The following CARM1 variants were observed in gnomAD, a reference collection of about 807,000 sequenced individuals.
CARM1 encodes the protein coactivator associated arginine methyltransferase 1.
In CARM1, 14 loss-of-function variants were observed where a neutral mutation model predicts 72.7. The ratio of observed to expected loss-of-function variants is 0.19; its 90% CI spans 0.13 to 0.30. The LOEUF is 0.30. CARM1 is among the 10% of genes least tolerant of loss of function. The pLI is 1.00. For synonymous variants in CARM1, 333 were observed against 345.5 expected, an observed-to-expected ratio of 0.96 and a Z score of 0.40; for missense variants, 432 against 833.7, an observed-to-expected ratio of 0.52 and a Z score of 5.93.
At chr19:10,919,749 C>T (rs1057109942) in intron 9 of CARM1, 69 bp downstream of exon 9, 15 of 1,526,058 alleles carry the variant, frequency 9.8e-6, no homozygotes, top group African/African-American at 5.5e-5. Context: ...CCCTGGCTCC[C>T]GCCGGCATCC....
Position 10,896,529 on chromosome 19 carries a change from C to G in CARM1, c.221-8422C>G, listed in dbSNP as rs1280289489. Among the ~76,000 whole-genome samples, 2 of 152,114 alleles carry G rather than the reference C, an allele frequency of 1.3e-5. No individual in the cohort carries two copies. Among genetic ancestry groups the G allele is most frequent in the African/African-American group, 4.8e-5 (2 of 41,416 alleles). On this transcript the variant is annotated intron_variant, in intron 1 of 15. Coordinates refer to ENST00000327064, the MANE Select transcript of CARM1 (RefSeq NM_199141.2). The surrounding 1 kb of genome is among the most constrained non-coding windows in gnomAD (Gnocchi z 5.2). ...GGTCTCTCCCCACCCTGCGCAAGAT[C>G]CCTCCCAGTGCTGCCCAGAGCCAAG...
rs2074159436 is a variant in CARM1, at chr19:10,912,494, G to A, written c.669+200G>A. Among the ~76,000 whole-genome samples the A allele has an allele frequency of 6.6e-6, 1 of 152,022 alleles. No homozygotes were observed. The highest frequency in any genetic ancestry group is 2.4e-5 in the African/African-American group (1 of 41,404). ...ATTTTCTCTCATGGCCGGTAGTCAG[G>A]GCCACATGTCATTTCCCTGTTTTCT... On this transcript the variant is annotated intron_variant, in intron 5 of 15. Transcript: ENST00000327064. This position sits in a 1 kb window ranked among gnomAD's most constrained non-coding sequence, Gnocchi z 4.5.
At chr19:10,893,773 C>T (rs1000349609) in intron 1 of CARM1, among the ~76,000 whole-genome samples, 4 of 152,154 alleles carry the variant, frequency 2.6e-5, no homozygotes, top group East Asian at 3.9e-4. Context: ...GCCCTGGGGC[C>T]GGGCTGTCAG....
At chr19:10,892,438 C>A (rs980662943) in intron 1 of CARM1, among the ~76,000 whole-genome samples, 1 of 152,206 alleles carries the variant, frequency 6.6e-6, no homozygotes, top group Non-Finnish European at 1.5e-5. Context: ...CCAGGGTGAC[C>A]TCATGGTCCT....
chr19:10,874,323 C>T (rs931112425), intron 1 of CARM1, among the ~76,000 whole-genome samples: 1 of 151,864 alleles, frequency 6.6e-6, no homozygotes, highest in African/African-American at 2.4e-5. Flanking sequence ...GATGATATAT[C>T]CTTAGGGTTC....
At chr19:10,877,641 C>G (rs574307656) in intron 1 of CARM1, among the ~76,000 whole-genome samples, 2 of 152,096 alleles carry the variant, frequency 1.3e-5, no homozygotes, top group African/African-American at 4.8e-5. Context: ...AGGCTGGCCT[C>G]GAACTCCTGA....
chr19:10,913,924 G>A lies in CARM1; in HGVS notation c.717G>A (p.Pro239=), dbSNP rs145939638. The A allele has an allele frequency of 4.8e-5, 77 of 1,613,672 alleles. 1 individual carries two copies. The highest frequency in any genetic ancestry group is 2.1e-4 in the South Asian group (19 of 91,086). ...TGACGGACCGCATCGTGGTCATCCCGGGCAAGGTGGAGGAGGTGTCACTCC... is the reference window on the plus strand; with the variant it reads ...TGACGGACCGCATCGTGGTCATCCCAGGCAAGGTGGAGGAGGTGTCACTCC... ...NNLTDRIVVI[P]GKVEEVSLPE... is the part of the protein sequence containing the mutation. The change falls in exon 6 of 16, where the codon CCG becomes CCA. Residue 239 remains proline, a synonymous_variant. Coordinates refer to ENST00000327064, the MANE Select transcript of CARM1 (RefSeq NM_199141.2).
chr19:10,913,837 G>A (rs375170128), intron 5 of CARM1, 40 bp from the exon 6 acceptor site: 635 of 1,589,022 alleles, frequency 4.0e-4, no homozygotes, highest in Non-Finnish European at 5.2e-4. Context: ...CCCATGGCAG[G>A]AAGACGCAGG....
intron 1 of CARM1, among the ~76,000 whole-genome samples, chr19:10,899,723 CTTT>C (rs1354982354): frequency 4.2e-5 from 6 of 141,938 alleles, no homozygotes; most frequent in Non-Finnish European, 6.2e-5. Flanking sequence ...TTTTCTTTTT[CTTT>C]TTTTTTTTTT....
At chr19:10,877,802 A>G (rs1323942364) in intron 1 of CARM1, among the ~76,000 whole-genome samples, 1 of 151,986 alleles carries the variant, frequency 6.6e-6, no homozygotes, top group Admixed American at 6.6e-5. Context: ...ATCTCGGCTC[A>G]CTGCAACCTC....
intron 1 of CARM1, among the ~76,000 whole-genome samples, chr19:10,894,296 C>T (rs1485401315): frequency 1.3e-5 from 2 of 152,218 alleles, no homozygotes; most frequent in Non-Finnish European, 2.9e-5. Context: ...CCGCCAGGTC[C>T]TCTGTGCCTG....
intron 1 of CARM1, among the ~76,000 whole-genome samples, chr19:10,903,113 G>A (rs1210123257): frequency 1.3e-5 from 2 of 152,124 alleles, no homozygotes; most frequent in African/African-American, 4.8e-5. Flanking sequence ...GTTTGTTGAA[G>A]ACACTATTCT....
intron 1 of CARM1, among the ~76,000 whole-genome samples, chr19:10,884,305 C>T (rs562730266): frequency 1.4e-4 from 21 of 149,456 alleles, no homozygotes; most frequent in Admixed American, 5.3e-4. Context: ...CACACAACTG[C>T]ACTCCAGCCT....
chr19:10,881,646 T>G, intron 1 of CARM1, among the ~76,000 whole-genome samples: 1 of 148,856 alleles, frequency 6.7e-6, no homozygotes. Flanking sequence ...AGATGGCAGG[T>G]CTTGGGGGAG....
chr19:10,897,356 C>T (rs1281988481), intron 1 of CARM1, among the ~76,000 whole-genome samples: 4 of 152,160 alleles, frequency 2.6e-5, no homozygotes, highest in African/African-American at 9.7e-5. Context: ...CATGTGACAT[C>T]CCAGCCTCTG....
Position 10,904,954 on chromosome 19 carries a change from A to G in CARM1, c.224A>G (p.Glu75Gly), listed in dbSNP as rs764877092. 5 of 1,614,150 alleles carry G rather than the reference A, an allele frequency of 3.1e-6. No homozygotes were observed. In the South Asian group the frequency reaches 5.5e-5, roughly 18 times the overall value. The stretch of plus-strand genomic sequence containing the variant: ...GCCAGCCTGTCTTCTCTCGTAGATG[A>G]AGATGTGTGTGTCTTTAAGTGCTCA... ...DSAGIALYSH[E>G]DVCVFKCSVS... Residue 75 changes from glutamate (E) to glycine (G), a missense_variant, in exon 2 of 16, where the codon GAA (glutamate) becomes GGA (glycine). This residue lies in a region of CARM1 where 138 missense variants were observed against 192.3 expected (regional missense o/e 0.72). Transcript: ENST00000327064.
rs1475011292 is a variant in CARM1, at chr19:10,920,975, C to T, written c.1537+29C>T. 1.2e-6 allele frequency: 2 copies of T among 1,613,000 alleles called. No homozygotes were observed. Among genetic ancestry groups the T allele is most frequent in the Non-Finnish European group, 1.7e-6 (2 of 1,179,104 alleles). ...AGCAGGGCCCACCCCAATGCCCAGC[C>T]AACCCGGGAGGCCGCCCTCGCCGCA... On this transcript the variant is annotated intron_variant, in intron 13 of 15. Transcript: ENST00000327064. The surrounding 1 kb of genome is among the most constrained non-coding windows in gnomAD (Gnocchi z 5.3).
At chr19:10,883,360 T>A (rs986171541) in intron 1 of CARM1, among the ~76,000 whole-genome samples, 10 of 152,058 alleles carry the variant, frequency 6.6e-5, no homozygotes, top group Non-Finnish European at 1.2e-4. Context: ...CCCCAGTGAT[T>A]GAGGAGGAGT....
At chr19:10,895,141 A>G (rs774993330) in intron 1 of CARM1, among the ~76,000 whole-genome samples, 8 of 150,200 alleles carry the variant, frequency 5.3e-5, no homozygotes, top group Non-Finnish European at 1.0e-4. Flanking sequence ...GTCTCGCTCT[A>G]TCACCCAGGC....
Sources: gnomAD v4.1 joint callset for allele counts (sites outside exome capture counted in the v4.1 genomes callset) on GRCh38, gnomAD v4.1.1 for gene constraint, gnomAD v4.1.1 regional missense constraint, Gnocchi (gnomAD v3.1) non-coding constraint, MANE v1.5 for transcripts, NCBI Gene and HGNC (gene_info 2026-07-23, HGNC 2026-07-21) for gene names.